Variants in CACNB2 observed in about 807,000 individuals in gnomAD.
CACNB2 encodes voltage-dependent L-type calcium channel subunit beta-2.
Under a neutral mutation model 73.3 loss-of-function variants are expected in CACNB2, and 42 were observed. The ratio of observed to expected loss-of-function variants is 0.57; its 90% confidence interval spans 0.45 to 0.74. The LOEUF is 0.74. Among genes scored for constraint, CACNB2 ranks in the 30% least tolerant of loss-of-function variants. The probability of loss-of-function intolerance (pLI) is 0.00; values close to 1 mark genes in which losing one functional copy is unlikely to be tolerated. For synonymous variants in CACNB2, 348 were observed against 310.3 expected, an observed-to-expected ratio of 1.12 and a Z score of -1.28; for missense variants, 940 against 853.0, an observed-to-expected ratio of 1.10 and a Z score of -1.27.
intron 3 of CACNB2, among the ~76,000 whole-genome samples, chr10:18,419,997 T>G (rs1412873348): frequency 1.3e-5 from 2 of 152,188 alleles, no homozygotes; most frequent in Admixed American, 1.3e-4. Flanking sequence ...AGGTTTTTAT[T>G]TAGTTAGTTA....
At chr10:18,458,092 T>A (rs2047376950) in intron 3 of CACNB2, among the ~76,000 whole-genome samples, 1 of 152,232 alleles carries the variant, frequency 6.6e-6, no homozygotes, top group Non-Finnish European at 1.5e-5. Context: ...TAACCAATTC[T>A]GCTATCTCAT....
Position 18,539,250 on chromosome 10 carries a change from G to C in CACNB2, c.1509G>C (p.Arg503Ser). ...SNSQGSQGDQ[R>S]TDRSAPIRSA... Reference sequence around the variant, plus strand: ...GCCAGGGTTCTCAAGGTGATCAGAGGACTGATCGCTCCGCTCCTATCCGTT... The same window carrying C: ...GCCAGGGTTCTCAAGGTGATCAGAGCACTGATCGCTCCGCTCCTATCCGTT... The change falls in exon 14 of 14, where the codon AGG (arginine) becomes AGC (serine). Residue 503 changes from arginine to serine, a missense_variant. By Grantham distance (110) the Arg-to-Ser change is moderately radical (BLOSUM62 -1). Coordinates refer to ENST00000324631, the MANE Select transcript of CACNB2 (RefSeq NM_201596.3). 6.2e-7 allele frequency: 1 copy of C among 1,613,958 alleles called. No homozygotes were observed. The highest frequency in any genetic ancestry group is 8.5e-7 in the Non-Finnish European group (1 of 1,179,988).
chr10:18,327,733 T>C (rs993039727), intron 2 of CACNB2, among the ~76,000 whole-genome samples: 3 of 152,102 alleles, frequency 2.0e-5, no homozygotes, highest in Non-Finnish European at 2.9e-5. Context: ...CCAGCCCCAG[T>C]CATGTTTTCA....
At chr10:18,306,692 G>A (rs1213618933) in intron 2 of CACNB2, among the ~76,000 whole-genome samples, 1 of 152,132 alleles carries the variant, frequency 6.6e-6, no homozygotes, top group African/African-American at 2.4e-5. Flanking sequence ...GTAGCTAGGA[G>A]CCAAAGATAG....
rs1169176468 is a variant in CACNB2 at position 18,220,232 on chromosome 10, TAGAGAGAGAGAGAGAG to T, written c.213+69285_213+69300del. ...ATATATATATATATATATATATATA[TAGAGAGAGAGAGAGAG>T]AGAGAGAGAGAGAGAGAGAGAGAGA... On this transcript the variant is annotated intron_variant, in intron 2 of 13. Transcript: ENST00000324631. 5.4e-3 allele frequency among the ~76,000 whole-genome samples: 135 copies of T among 25,084 alleles called. 1 individual carries two copies. Among genetic ancestry groups the T allele is most frequent in the Middle Eastern group, 0.059 (2 of 34 alleles). 16.5% of individuals were successfully genotyped at this position (25,084 alleles called of 152,430 possible). A position where few individuals can be genotyped will look rare whatever the true frequency, so the allele number is the denominator to read the frequency against.
intron 2 of CACNB2, among the ~76,000 whole-genome samples, chr10:18,240,260 A>G (rs2036597075): frequency 6.6e-6 from 1 of 152,196 alleles, no homozygotes; most frequent in Non-Finnish European, 1.5e-5. Context: ...TCTACAATCC[A>G]AATAACATGT....
chr10:18,473,765 A>G (rs1057012476), intron 3 of CACNB2, among the ~76,000 whole-genome samples: 1 of 152,234 alleles, frequency 6.6e-6, no homozygotes, highest in Non-Finnish European at 1.5e-5. Context: ...TTTAAAAAAT[A>G]TACTTATCTT....
chr10:18,328,087 C>A (rs933884700), intron 2 of CACNB2, among the ~76,000 whole-genome samples: 1 of 152,156 alleles, frequency 6.6e-6, no homozygotes, highest in African/African-American at 2.4e-5. Context: ...ATGCAGTGCT[C>A]TAAGAATCTT....
intron 3 of CACNB2, among the ~76,000 whole-genome samples, chr10:18,487,002 T>C (rs2049096405): frequency 6.6e-6 from 1 of 152,210 alleles, no homozygotes; most frequent in South Asian, 2.1e-4. Flanking sequence ...GTGCGTCATC[T>C]GGTTTCATGG....
At chr10:18,266,202 G>T (rs545336764) in intron 2 of CACNB2, among the ~76,000 whole-genome samples, 1 of 152,140 alleles carries the variant, frequency 6.6e-6, no homozygotes, top group Non-Finnish European at 1.5e-5. Context: ...ATAGGCAAAG[G>T]AAGTGATGAT....
At chr10:18,377,517 G>C (rs914566762) in intron 2 of CACNB2, among the ~76,000 whole-genome samples, 1 of 152,222 alleles carries the variant, frequency 6.6e-6, no homozygotes, top group Non-Finnish European at 1.5e-5. Context: ...GTGTGGCCAT[G>C]TTCCAATAAA....
At chr10:18,244,676 T>C (rs966827321) in intron 2 of CACNB2, among the ~76,000 whole-genome samples, 1 of 152,234 alleles carries the variant, frequency 6.6e-6, no homozygotes, top group African/African-American at 2.4e-5. Flanking sequence ...GAAGGATGGC[T>C]CCCTACCAAG....
intron 2 of CACNB2, among the ~76,000 whole-genome samples, chr10:18,370,075 A>G (rs1399163000): frequency 6.6e-6 from 1 of 152,208 alleles, no homozygotes; most frequent in Non-Finnish European, 1.5e-5. Context: ...GATAATGGCA[A>G]TGTTTATATC....
At position 18,259,411 on chromosome 10, in the gene CACNB2, T is replaced by A. The variant is rs542389485; in HGVS notation, c.213+108436T>A. Among the ~76,000 whole-genome samples, 1,090 of 151,132 alleles carry A rather than the reference T, an allele frequency of 7.2e-3. 10 individuals are homozygous for A. The highest frequency in any genetic ancestry group is 0.025 in the African/African-American group (1,025 of 41,144). ...TGAGACCCCTGTCTCTATAAAAAAA[T>A]TTTTAAAATTAGGCTGGGCACTGTG... On this transcript the variant is annotated intron_variant, in intron 2 of 13. Transcript: ENST00000324631.
intron 2 of CACNB2, among the ~76,000 whole-genome samples, chr10:18,371,624 C>T (rs1244022213): frequency 6.6e-6 from 1 of 152,114 alleles, no homozygotes; most frequent in Non-Finnish European, 1.5e-5. Flanking sequence ...TGGGTTGGTT[C>T]CAAGTCTTTG....
At chr10:18,221,026 T>C (rs1336376472) in intron 2 of CACNB2, among the ~76,000 whole-genome samples, 2 of 152,160 alleles carry the variant, frequency 1.3e-5, no homozygotes, top group Non-Finnish European at 2.9e-5. Flanking sequence ...GAAATCAACC[T>C]GGATGGGGGC....
intron 2 of CACNB2, among the ~76,000 whole-genome samples, chr10:18,276,694 G>A (rs898530763): frequency 2.0e-5 from 3 of 152,028 alleles, no homozygotes; most frequent in Non-Finnish European, 4.4e-5. Context: ...TTATCCTGCC[G>A]CAGCCTCCCA....
chr10:18,393,157 C>T lies in CACNB2; in HGVS notation c.214-8767C>T, dbSNP rs189163371. Reference sequence around the variant, plus strand: ...CCGGGAAGCGGAGATTGCAGTGAGCCGGGATCGCCCCATTGTACTCCAGCC... The same window carrying T: ...CCGGGAAGCGGAGATTGCAGTGAGCTGGGATCGCCCCATTGTACTCCAGCC... On this transcript the variant is annotated intron_variant, in intron 2 of 13. Coordinates refer to ENST00000324631, the MANE Select transcript of CACNB2 (RefSeq NM_201596.3). Among the ~76,000 whole-genome samples, 86 of 150,790 alleles carry T rather than the reference C, an allele frequency of 5.7e-4. 1 individual carries two copies. The highest frequency in any genetic ancestry group is 2.0e-3 in the African/African-American group (82 of 41,026).
chr10:18,388,874 A>G (rs142434042), intron 2 of CACNB2, among the ~76,000 whole-genome samples: 1 of 152,156 alleles, frequency 6.6e-6, no homozygotes, highest in African/African-American at 2.4e-5. Context: ...TCTGTTTTTC[A>G]TGTGCATAAA....
Sources: gnomAD v4.1 joint callset for allele counts (sites outside exome capture counted in the v4.1 genomes callset) on GRCh38, gnomAD v4.1.1 for gene constraint, MANE v1.5 for transcripts, NCBI Gene and HGNC (gene_info 2026-07-23, HGNC 2026-07-21) for gene names.